Variants in PPFIA1 observed in about 807,000 individuals in gnomAD.
PPFIA1 encodes PPFI scaffold protein A1, also known as liprin-alpha-1.
A neutral mutation model predicts 149.9 loss-of-function variants in PPFIA1; 25 were observed. The ratio of observed to expected loss-of-function variants is 0.17; its 90% CI spans 0.12 to 0.23. The LOEUF (loss-of-function observed/expected upper bound fraction) is 0.23, where lower values mean the gene tolerates loss of function less well. Ranked by LOEUF, PPFIA1 falls within the 10% of genes least tolerant of loss-of-function variation. The pLI, the probability that PPFIA1 is intolerant of heterozygous loss-of-function variation, is 1.00. For synonymous variants in PPFIA1, 549 were observed against 552.8 expected (o/e 0.99, Z 0.10); for missense variants, 1,362 against 1,506.5 (o/e 0.90, Z 1.59).
chr11:70,321,045 C>A (rs2136707666), intron 2 of PPFIA1, among the ~76,000 whole-genome samples: 1 of 152,306 alleles, frequency 6.6e-6, no homozygotes, highest in Non-Finnish European at 1.5e-5. Context: ...CTGCCAAAGT[C>A]ATATGCTCAA....
At chr11:70,311,698 G>A (rs571447318) in intron 2 of PPFIA1, among the ~76,000 whole-genome samples, 14 of 152,246 alleles carry the variant, frequency 9.2e-5, no homozygotes, top group African/African-American at 3.1e-4. Context: ...GATTGTTACG[G>A]TTGTGGACCA....
At chr11:70,371,783 T>C (rs2057280368) in intron 21 of PPFIA1, 1 of 152,726 alleles carries the variant, frequency 6.5e-6, no homozygotes, top group African/African-American at 2.4e-5. Context: ...TTTTACTGAT[T>C]TTGAAATGGA....
intron 2 of PPFIA1, among the ~76,000 whole-genome samples, chr11:70,295,501 TG>T (rs1298837154): frequency 1.9e-4 from 10 of 52,838 alleles, no homozygotes; most frequent in Middle Eastern, 0.02. Context: ...GCTGGCCGGG[TG>T]GGGGGGCTGA....
intron 2 of PPFIA1, among the ~76,000 whole-genome samples, chr11:70,292,425 C>T (rs1472881356): frequency 6.6e-6 from 1 of 152,244 alleles, no homozygotes; most frequent in Non-Finnish European, 1.5e-5. Context: ...TTGTGTGGAG[C>T]ATGGGCTTGG....
chr11:70,344,273 G>A (rs1283003187), intron 15 of PPFIA1, among the ~76,000 whole-genome samples: 2 of 152,274 alleles, frequency 1.3e-5, no homozygotes, highest in African/African-American at 2.4e-5. Context: ...GAGGCTGATC[G>A]GCCTACCTTC....
At chr11:70,308,061 A>G (rs1289742359) in intron 2 of PPFIA1, among the ~76,000 whole-genome samples, 1 of 152,150 alleles carries the variant, frequency 6.6e-6, no homozygotes, top group African/African-American at 2.4e-5. Context: ...TTATTTATTT[A>G]TTTTGAGATG....
intron 15 of PPFIA1, among the ~76,000 whole-genome samples, chr11:70,344,357 A>T (rs1451463824): frequency 6.6e-6 from 1 of 152,198 alleles, no homozygotes; most frequent in Non-Finnish European, 1.5e-5. Flanking sequence ...GCCTGCCTTG[A>T]ATGAATAGCA....
At chr11:70,302,513 G>A (rs992663347) in intron 2 of PPFIA1, among the ~76,000 whole-genome samples, 3 of 152,204 alleles carry the variant, frequency 2.0e-5, no homozygotes, top group Non-Finnish European at 4.4e-5. Context: ...GGGCACTTGA[G>A]ACGCTTCCTT....
At chr11:70,329,022 C>G (rs997129838) in intron 7 of PPFIA1, among the ~76,000 whole-genome samples, 3 of 152,064 alleles carry the variant, frequency 2.0e-5, no homozygotes, top group Non-Finnish European at 4.4e-5. Flanking sequence ...GTAGTTGCAT[C>G]CAATTAAATT....
intron 2 of PPFIA1, among the ~76,000 whole-genome samples, chr11:70,272,679 C>G (rs2050162456): frequency 6.6e-6 from 1 of 152,152 alleles, no homozygotes; most frequent in Non-Finnish European, 1.5e-5. Context: ...TTGGGAACTG[C>G]CTAGGTTCAG....
chr11:70,353,471 A>C (rs996052863), intron 16 of PPFIA1, among the ~76,000 whole-genome samples: 2 of 152,184 alleles, frequency 1.3e-5, no homozygotes, highest in African/African-American at 4.8e-5. Context: ...ATCCAGTCCC[A>C]CTCAAAACCA....
intron 2 of PPFIA1, among the ~76,000 whole-genome samples, chr11:70,279,725 GTGT>G (rs2050630241): frequency 1.6e-5 from 1 of 64,396 alleles, no homozygotes; most frequent in Non-Finnish European, 3.0e-5. Context: ...GTGTCTAGGT[GTGT>G]GTGTGTGTGT....
intron 2 of PPFIA1, among the ~76,000 whole-genome samples, chr11:70,302,360 G>A (rs2052543228): frequency 6.6e-6 from 1 of 152,180 alleles, no homozygotes. Context: ...GGAAAGGCAT[G>A]GAGGGCTGTG....
intron 2 of PPFIA1, among the ~76,000 whole-genome samples, chr11:70,276,197 C>T (rs1430989923): frequency 1.3e-5 from 2 of 152,040 alleles, no homozygotes; most frequent in Middle Eastern, 3.4e-3. Context: ...GCCTTGAACT[C>T]CTGGGCTAAA....
At chr11:70,303,742 A>G (rs1451807800) in intron 2 of PPFIA1, among the ~76,000 whole-genome samples, 1 of 152,224 alleles carries the variant, frequency 6.6e-6, no homozygotes, top group Non-Finnish European at 1.5e-5. Context: ...ACGGTGGCTC[A>G]TGCCTATAAT....
intron 2 of PPFIA1, among the ~76,000 whole-genome samples, chr11:70,297,270 G>A (rs73517109): frequency 0.022 from 3,388 of 152,130 alleles, 136 homozygotes; most frequent in African/African-American, 0.078. Context: ...TTATTTGGGC[G>A]TGGTGGTGCG....
At chr11:70,371,782 T>C (rs764441804) in intron 21 of PPFIA1, 1 of 152,700 alleles carries the variant, frequency 6.5e-6, no homozygotes, top group Non-Finnish European at 1.5e-5. Flanking sequence ...CTTTTACTGA[T>C]TTTGAAATGG....
Position 70,341,318 on chromosome 11 carries a change from G to A in PPFIA1, c.1707+2012G>A, listed in dbSNP as rs535975221. Among the ~76,000 whole-genome samples the A allele has an allele frequency of 1.7e-4, 25 of 151,418 alleles. No individual in the cohort carries two copies. The Middle Eastern group carries it at 0.01, about 62-fold the overall frequency. The stretch of plus-strand genomic sequence containing the variant: ...GAGCAGGGGCGTGAAGGAGGAAGGA[G>A]AAGGAGCACATGGAGCGTGTTCAGT... On this transcript the variant is annotated intron_variant, in intron 14 of 27. Transcript: ENST00000253925.
chr11:70,381,177 C>T (rs1212367894), intron 26 of PPFIA1: 1 of 152,096 alleles, frequency 6.6e-6, no homozygotes, highest in Non-Finnish European at 1.5e-5. Flanking sequence ...TCTTAAGAGT[C>T]AGAGGGTTTG....
Sources: gnomAD v4.1 joint callset for allele counts (sites outside exome capture counted in the v4.1 genomes callset) on GRCh38, gnomAD v4.1.1 for gene constraint, MANE v1.5 for transcripts, NCBI Gene and HGNC (gene_info 2026-07-23, HGNC 2026-07-21) for gene names.